The following TRPM3 variants were observed in gnomAD, a reference collection of about 807,000 sequenced individuals.
TRPM3 encodes the protein long transient receptor potential channel 3.
A neutral mutation model predicts 181.2 loss-of-function variants in TRPM3; 77 were observed. That is an observed-to-expected ratio of 0.42 (90% confidence interval 0.35 to 0.51). TRPM3 has a LOEUF of 0.51. Ranked by LOEUF, TRPM3 falls within the 20% of genes least tolerant of loss-of-function variation. TRPM3 has a pLI of 0.01. For missense variants in TRPM3, 1,759 were observed against 2,196.7 expected, an observed-to-expected ratio of 0.80 and a Z score of 3.98; for synonymous variants, 745 against 796.4, an observed-to-expected ratio of 0.94 and a Z score of 1.09.
chr9:71,349,329 T>C (rs1439386759), intron 1 of TRPM3, among the ~76,000 whole-genome samples: 1 of 152,174 alleles, frequency 6.6e-6, no homozygotes, highest in Admixed American at 6.5e-5. Context: ...GAAAGCTCAG[T>C]AGAAGAGAGG....
intron 1 of TRPM3, among the ~76,000 whole-genome samples, chr9:71,015,784 T>G (rs560459535): frequency 2.0e-5 from 3 of 152,122 alleles, no homozygotes; most frequent in Admixed American, 2.0e-4. Flanking sequence ...TCATTAAAGA[T>G]TTTGGATAGA....
At chr9:71,420,743 GAGAA>G (rs2093727718) in intron 1 of TRPM3, among the ~76,000 whole-genome samples, 2 of 97,310 alleles carry the variant, frequency 2.1e-5, no homozygotes, top group African/African-American at 4.7e-5. Context: ...GAGAAAGAGA[GAGAA>G]AGAGAGAGAA....
At chr9:71,254,034 C>T (rs969033862) in intron 1 of TRPM3, among the ~76,000 whole-genome samples, 2 of 152,174 alleles carry the variant, frequency 1.3e-5, no homozygotes, top group African/African-American at 2.4e-5. Flanking sequence ...ATTCTCCTGC[C>T]TCAGCCTCCT....
At chr9:71,062,677 C>T (rs2061462624) in intron 1 of TRPM3, among the ~76,000 whole-genome samples, 1 of 151,960 alleles carries the variant, frequency 6.6e-6, no homozygotes, top group African/African-American at 2.4e-5. Flanking sequence ...AGAAGAGGGA[C>T]CTTTAAGAGG....
intron 1 of TRPM3, among the ~76,000 whole-genome samples, chr9:71,345,937 G>A (rs1374160262): frequency 6.6e-6 from 1 of 152,138 alleles, no homozygotes; most frequent in Admixed American, 6.6e-5. Flanking sequence ...GGACCAACTG[G>A]AAGTCTTAAC....
intron 1 of TRPM3, among the ~76,000 whole-genome samples, chr9:71,119,196 A>T (rs2073084390): frequency 6.6e-6 from 1 of 152,212 alleles, no homozygotes; most frequent in Non-Finnish European, 1.5e-5. Flanking sequence ...GATAGCTATG[A>T]TCTTTCAAAA....
At chr9:71,365,745 G>A (rs1453189042) in intron 1 of TRPM3, among the ~76,000 whole-genome samples, 1 of 152,060 alleles carries the variant, frequency 6.6e-6, no homozygotes, top group Non-Finnish European at 1.5e-5. Context: ...GTGGCTTTGA[G>A]ATCATTATTT....
intron 1 of TRPM3, among the ~76,000 whole-genome samples, chr9:71,421,529 G>A (rs1213369213): frequency 6.6e-6 from 1 of 151,812 alleles, no homozygotes; most frequent in Non-Finnish European, 1.5e-5. Flanking sequence ...GACATCATCA[G>A]AGGAATCCAC....
intron 1 of TRPM3, among the ~76,000 whole-genome samples, chr9:71,207,480 A>G (rs2079194554): frequency 6.6e-6 from 1 of 152,160 alleles, no homozygotes; most frequent in African/African-American, 2.4e-5. Flanking sequence ...ACATCTTGAG[A>G]TCTTTGATAG....
At chr9:71,335,580 T>A (rs2132566371) in intron 1 of TRPM3, among the ~76,000 whole-genome samples, 1 of 152,262 alleles carries the variant, frequency 6.6e-6, no homozygotes, top group Admixed American at 6.5e-5. Context: ...AATTTCCTAT[T>A]TTTTCATTTG....
rs199677805 is a variant in TRPM3 at position 70,875,300 on chromosome 9, C to T, written c.178-10789G>A. Among the ~76,000 whole-genome samples, 47 of 151,938 alleles carry T rather than the reference C, an allele frequency of 3.1e-4. No homozygotes were observed. In the East Asian group the frequency reaches 8.6e-3, roughly 28 times the overall value. On this transcript the variant is annotated intron_variant, in intron 1 of 25. Transcript: ENST00000677713. ...AGCTTTATTGTTAGTCCCTCATTAACGTGTACAAGGTATATATAGGGCCTT... is the reference window on the plus strand; with the variant it reads ...AGCTTTATTGTTAGTCCCTCATTAATGTGTACAAGGTATATATAGGGCCTT...
chr9:71,059,987 T>A (rs1458849615), intron 1 of TRPM3, among the ~76,000 whole-genome samples: 2 of 152,042 alleles, frequency 1.3e-5, no homozygotes, highest in Non-Finnish European at 2.9e-5. Flanking sequence ...ATATTTACTC[T>A]GAAGGAAAGA....
chr9:70,554,666 C>T (rs747190295), intron 22 of TRPM3, among the ~76,000 whole-genome samples: 11 of 152,106 alleles, frequency 7.2e-5, no homozygotes, highest in Non-Finnish European at 1.3e-4. Context: ...TCTCAATTGC[C>T]ATGAAAGTTG....
chr9:70,998,708 T>C (rs2097569463), intron 1 of TRPM3, among the ~76,000 whole-genome samples: 1 of 152,214 alleles, frequency 6.6e-6, no homozygotes, highest in African/African-American at 2.4e-5. Context: ...TTCCCTCTCC[T>C]TCCTGCTGTT....
At chr9:71,145,457 C>T (rs2075353488) in intron 1 of TRPM3, among the ~76,000 whole-genome samples, 1 of 152,132 alleles carries the variant, frequency 6.6e-6, no homozygotes, top group African/African-American at 2.4e-5. Flanking sequence ...GAAAATACCA[C>T]ACCATTGGAC....
chr9:71,248,724 GC>G (rs1229350560), intron 1 of TRPM3, among the ~76,000 whole-genome samples: 2 of 152,090 alleles, frequency 1.3e-5, no homozygotes, highest in East Asian at 3.9e-4. Flanking sequence ...TTTTAACAGA[GC>G]CCTGGTGTGT....
chr9:70,912,177 C>A (rs2096544622), intron 1 of TRPM3, among the ~76,000 whole-genome samples: 1 of 152,108 alleles, frequency 6.6e-6, no homozygotes, highest in Non-Finnish European at 1.5e-5. Flanking sequence ...AAAGAAGGGG[C>A]AAATAAATAT....
At chr9:70,993,836 G>A (rs1590384604) in intron 1 of TRPM3, among the ~76,000 whole-genome samples, 1 of 150,442 alleles carries the variant, frequency 6.6e-6, no homozygotes, top group African/African-American at 2.4e-5. Flanking sequence ...GCACTCCAGG[G>A]GGATTGAGGA....
chr9:71,313,094 C>A lies in TRPM3; in HGVS notation c.183+133559G>T, dbSNP rs964538097. Among the ~76,000 whole-genome samples, 7 of 152,190 alleles carry A rather than the reference C, an allele frequency of 4.6e-5. No homozygotes were observed. In the East Asian group the frequency reaches 7.7e-4, roughly 17 times the overall value. On this transcript the variant is annotated intron_variant, in intron 1 of 24. Transcript: ENST00000357533. ...TCACCAATTAACAAATGTTAATGCACCTGCACCTCCTCTGGCGCAGGTGGT... is the reference window on the plus strand; with the variant it reads ...TCACCAATTAACAAATGTTAATGCAACTGCACCTCCTCTGGCGCAGGTGGT...
Sources: allele counts gnomAD v4.1 joint callset (sites outside exome capture counted in the v4.1 genomes callset), GRCh38; gene constraint gnomAD v4.1.1; transcripts MANE v1.5; gene names NCBI Gene and HGNC (gene_info 2026-07-23, HGNC 2026-07-21).